Variants in ANK1 observed in about 807,000 individuals in gnomAD.
ANK1 encodes ankyrin-1.
A neutral mutation model predicts 210.4 loss-of-function variants in ANK1; 51 were observed. The observed-to-expected ratio is 0.24, with a 90% CI of 0.19 to 0.31. The LOEUF (loss-of-function observed/expected upper bound fraction) is 0.31. Ranked by LOEUF, ANK1 falls within the 10% of genes least tolerant of loss-of-function variation. The pLI is 1.00. For synonymous variants in ANK1, 967 were observed against 1,025.9 expected, an observed-to-expected ratio of 0.94 and a Z score of 1.10; for missense variants, 2,051 against 2,504.4, an observed-to-expected ratio of 0.82 and a Z score of 3.86.
chr8:41,878,471 A>G (rs1329001163), intron 1 of ANK1, among the ~76,000 whole-genome samples: 3 of 152,234 alleles, frequency 2.0e-5, no homozygotes, highest in African/African-American at 4.8e-5. Flanking sequence ...AGCTGTTTAT[A>G]AAAAGAAGCT....
intron 36 of ANK1, 34 bp from the exon 37 acceptor site, chr8:41,684,724 A>T: frequency 6.2e-7 from 1 of 1,608,006 alleles, no homozygotes; most frequent in Non-Finnish European, 8.5e-7. Context: ...ACGTTACTCC[A>T]GGCCGGTGAG....
chr8:41,733,476 T>C (rs1041391365), intron 3 of ANK1, among the ~76,000 whole-genome samples: 3 of 152,212 alleles, frequency 2.0e-5, no homozygotes, highest in African/African-American at 7.2e-5. Flanking sequence ...AGTAAATGCA[T>C]CCATCCAATA....
At chr8:41,719,407 C>T (rs574630880) in intron 10 of ANK1, among the ~76,000 whole-genome samples, 3 of 152,310 alleles carry the variant, frequency 2.0e-5, no homozygotes, top group African/African-American at 7.2e-5. Context: ...GTCTCCTGGG[C>T]CCAAACTCAT....
intron 1 of ANK1, among the ~76,000 whole-genome samples, chr8:41,816,386 A>T (rs374845786): frequency 1.3e-5 from 2 of 152,254 alleles, no homozygotes; most frequent in South Asian, 2.1e-4. Flanking sequence ...GTTGCATTAT[A>T]TTTAATGCTA....
intron 3 of ANK1, among the ~76,000 whole-genome samples, chr8:41,729,758 T>C (rs1369094976): frequency 6.6e-6 from 1 of 151,670 alleles, no homozygotes; most frequent in Non-Finnish European, 1.5e-5. Flanking sequence ...GTTCCCGGGA[T>C]ACCCACAGCC....
At chr8:41,822,104 GAGAGAGAGAGAAAGAAAGAGAAAGAA>G (rs1563845031) in intron 1 of ANK1, among the ~76,000 whole-genome samples, 216 of 32,006 alleles carry the variant, frequency 6.7e-3, no homozygotes, top group African/African-American at 0.016. Flanking sequence ...GAGAGAGAGA[GAGAGAGAGAGAAAGAAAGAGAAAGAA>G]AGAGAAAGAA....
chr8:41,769,710 C>T (rs1842613594), intron 1 of ANK1, among the ~76,000 whole-genome samples: 1 of 152,090 alleles, frequency 6.6e-6, no homozygotes. Flanking sequence ...AAACCATGGC[C>T]ACATAAGATA....
chr8:41,716,841 G>A lies in ANK1; in HGVS notation c.1404+112C>T, dbSNP rs992748486. The A allele has an allele frequency of 2.3e-5, 25 of 1,100,988 alleles. No individual in the cohort carries two copies. The African/African-American group carries it at 3.4e-4, about 15-fold the overall frequency. The allele number at this position is 1,100,988 out of a possible 1,614,324, so 68.2% of individuals were successfully genotyped here. A position where few individuals can be genotyped will look rare whatever the true frequency, so the allele number is the denominator to read the frequency against. ...CAGAGTGACCTGATCAGGATGAAAA[G>A]TGATCCCCAGGCCACAGCACTGCAG... On this transcript the variant is annotated intron_variant, in intron 13 of 42. Transcript: ENST00000289734.
At chr8:41,876,162 C>T (rs761396570) in intron 1 of ANK1, among the ~76,000 whole-genome samples, 29 of 152,122 alleles carry the variant, frequency 1.9e-4, no homozygotes, top group Non-Finnish European at 2.9e-4. Flanking sequence ...GCTGGGCTCC[C>T]GAGGCGGCGC....
intron 1 of ANK1, among the ~76,000 whole-genome samples, chr8:41,876,597 AAAC>A (rs1314347728): frequency 1.3e-5 from 2 of 152,242 alleles, no homozygotes; most frequent in Non-Finnish European, 2.9e-5. Flanking sequence ...TCCAAGTCGG[AAAC>A]GTACGCGCTG....
In ANK1 at chr8:41,821,944, G is replaced by A. The variant is rs190386223; in HGVS notation, c.127-63807C>T. Among the ~76,000 whole-genome samples the A allele has an allele frequency of 2.1e-3, 317 of 151,998 alleles. 2 individuals are homozygous for A. Among genetic ancestry groups the A allele is most frequent in the African/African-American group, 7.0e-3 (290 of 41,452 alleles). ...GCACTCCTGTAATCCCAGCTACGCCGGAGGCTGAGGCAAGAGAATCGCTTG... is the reference window on the plus strand; with the variant it reads ...GCACTCCTGTAATCCCAGCTACGCCAGAGGCTGAGGCAAGAGAATCGCTTG... On this transcript the variant is annotated intron_variant, in intron 1 of 42. Transcript: ENST00000265709.
At chr8:41,845,188 C>A (rs1315232815) in intron 1 of ANK1, among the ~76,000 whole-genome samples, 2 of 152,042 alleles carry the variant, frequency 1.3e-5, no homozygotes, top group Admixed American at 1.3e-4. Context: ...AGTTCGAGAC[C>A]ATCCTGTCCA....
At chr8:41,746,609 G>C (rs1192226739) in intron 2 of ANK1, among the ~76,000 whole-genome samples, 1 of 152,144 alleles carries the variant, frequency 6.6e-6, no homozygotes, top group Non-Finnish European at 1.5e-5. Context: ...CGATTTTAGA[G>C]CTCTGCAAGG....
At chr8:41,663,029 C>T (rs1201253387) in intron 40 of ANK1, among the ~76,000 whole-genome samples, 1 of 152,120 alleles carries the variant, frequency 6.6e-6, no homozygotes, top group African/African-American at 2.4e-5. Context: ...ATCCTTCTGC[C>T]TCAGCTTCCT....
exon 1 of ANK1, chr8:41,896,651 G>A (rs1820574377): frequency 1.2e-6 from 1 of 862,658 alleles, no homozygotes; most frequent in Non-Finnish European, 1.5e-6. Flanking sequence ...AGGCAGTTCC[G>A]GACGCGGAGG....
intron 1 of ANK1, among the ~76,000 whole-genome samples, chr8:41,890,027 G>A (rs902299597): frequency 1.3e-5 from 2 of 152,166 alleles, no homozygotes; most frequent in East Asian, 3.9e-4. Flanking sequence ...GGCCTTCCCC[G>A]GCAAACCTCA....
In ANK1 at chr8:41,704,363, C is replaced by A. The variant is rs942704406; in HGVS notation, c.2196+11G>T. 25 of 1,612,660 alleles carry A rather than the reference C, an allele frequency of 1.6e-5. No individual in the cohort carries two copies. The highest frequency in any genetic ancestry group is 2.0e-5 in the Non-Finnish European group (23 of 1,178,846). ...GTCAGTGCAGGAGTCGGGGCTGGGG[C>A]ACCCCTGTACCTTGGTCTTGGCATT... On this transcript the variant is annotated intron_variant, in intron 19 of 42. Transcript: ENST00000289734. The surrounding 1 kb of genome is among the most constrained non-coding windows in gnomAD (Gnocchi z 4.1).
intron 1 of ANK1, among the ~76,000 whole-genome samples, chr8:41,859,505 C>T (rs1563921079): frequency 6.6e-6 from 1 of 152,174 alleles, no homozygotes; most frequent in African/African-American, 2.4e-5. Context: ...CACAACCACG[C>T]CTGACTAATT....
chr8:41,748,705 G>A (rs1471893465), intron 2 of ANK1, among the ~76,000 whole-genome samples: 1 of 152,174 alleles, frequency 6.6e-6, no homozygotes, highest in Non-Finnish European at 1.5e-5. Flanking sequence ...ATCTTTGACT[G>A]GCTGGCTCTT....
Sources: allele counts gnomAD v4.1 joint callset (sites outside exome capture counted in the v4.1 genomes callset), GRCh38; gene constraint gnomAD v4.1.1; non-coding constraint Gnocchi (gnomAD v3.1); transcripts MANE v1.5; gene names NCBI Gene and HGNC (gene_info 2026-07-23, HGNC 2026-07-21).